The following ADGRG4 variants were observed in gnomAD, a reference collection of about 807,000 sequenced individuals.
The protein encoded by ADGRG4 is adhesion G protein-coupled receptor G4.
ADGRG4 carries 122 observed loss-of-function variants against 126.2 expected under a neutral mutation model. The ratio of observed to expected loss-of-function variants is 0.97; its 90% confidence interval spans 0.83 to 1.12. The LOEUF (loss-of-function observed/expected upper bound fraction) is 1.12, where lower values mean the gene tolerates loss of function less well. Ranked by LOEUF, ADGRG4 falls within the 50% of genes most tolerant of loss-of-function variation. ADGRG4 has a pLI of 0.00. For synonymous variants in ADGRG4, 943 were observed against 838.7 expected, an observed-to-expected ratio of 1.12 and a Z score of -2.15; for missense variants, 2,481 against 2,251.8, an observed-to-expected ratio of 1.10 and a Z score of -2.06.
At chrX:136,410,069 A>T (rs1394013775) in intron 23 of ADGRG4, among the ~76,000 whole-genome samples, 1 of 112,514 alleles carries the variant, frequency 8.9e-6, no homozygotes. Flanking sequence ...ACTAATTGCT[A>T]AATAAACACT....
chrX:136,353,452 G>A, intron 8 of ADGRG4, 51 bp downstream of exon 8: 3 of 875,330 alleles, frequency 3.4e-6, no homozygotes, highest in Non-Finnish European at 3.4e-6. Context: ...AGGGCATTTT[G>A]GGTCTGTTCC....
chrX:136,332,645 G>C (rs1283771570), intron 5 of ADGRG4, among the ~76,000 whole-genome samples: 45 of 109,076 alleles, frequency 4.1e-4, no homozygotes, highest in African/African-American at 1.2e-3. Context: ...GTTCCTATTT[G>C]TCCACATCCT....
rs757150313 is a variant in ADGRG4, at chrX:136,345,193, C to A, written c.1487C>A (p.Thr496Asn). 1.7e-6 allele frequency: 2 copies of A among 1,209,872 alleles called. No homozygotes were observed. Among genetic ancestry groups the A allele is most frequent in the East Asian group, 3.0e-5 (1 of 33,821 alleles). Residue 496 changes from threonine (T) to asparagine (N), a missense_variant, in exon 6 of 26, where the codon ACT becomes AAT. Coordinates refer to ENST00000394143, the MANE Select transcript of ADGRG4 (RefSeq NM_153834.4). Reference protein sequence around the residue: ...RNQTAFPLATTDMKIAFTVHS... With the variant: ...RNQTAFPLATNDMKIAFTVHS... ...CAGACAGCATTTCCATTGGCAACAA[C>A]TGATATGAAAATAGCATTTACAGTC...
chrX:136,397,491 C>CTTTTTTTTTTTT (rs1184936316), intron 19 of ADGRG4, among the ~76,000 whole-genome samples: 39 of 50,557 alleles, frequency 7.7e-4, no homozygotes, highest in Admixed American at 1.0e-3. Context: ...AGGAAAAGGA[C>CTTTTTTTTTTTT]TTTTTTTTTT....
At chrX:136,372,879 T>C (rs1416111564) in intron 14 of ADGRG4, 23 bp from the exon 15 acceptor site, 1 of 1,207,029 alleles carries the variant, frequency 8.3e-7, no homozygotes, top group Middle Eastern at 2.3e-4. Flanking sequence ...AGGATGCTCT[T>C]CTCCATCTGT....
chrX:136,390,507 T>C (rs1031033212), intron 16 of ADGRG4, among the ~76,000 whole-genome samples: 2 of 111,307 alleles, frequency 1.8e-5, no homozygotes, highest in African/African-American at 6.6e-5. Flanking sequence ...CTACCACTCA[T>C]CTGGAAGATC....
intron 1 of ADGRG4, among the ~76,000 whole-genome samples, chrX:136,301,273 G>A (rs1342595161): frequency 5.4e-5 from 6 of 111,701 alleles, no homozygotes; most frequent in African/African-American, 1.6e-4. Flanking sequence ...TTTAATGATC[G>A]CCATTCTAAC....
At chrX:136,319,751 CATCT>C (rs1312702801) in intron 4 of ADGRG4, among the ~76,000 whole-genome samples, 20 of 96,291 alleles carry the variant, frequency 2.1e-4, no homozygotes, top group African/African-American at 3.8e-4. Context: ...ATCTATCTAT[CATCT>C]ATCTATTATC....
At position 136,349,175 on chromosome X, in the gene ADGRG4, G is replaced by A. The variant is rs769387749; in HGVS notation, c.5469G>A (p.Trp1823Ter). 1.1e-5 allele frequency: 13 copies of A among 1,203,462 alleles called. No individual in the cohort carries two copies. The South Asian group carries it at 2.3e-4, about 21-fold the overall frequency. ...ATACCCCTGTTTCATACCCTCCATG[G>A]ACCCCATCCAGTGCAACTCTACCCT... ...SLNTPVSYPP[W>*]TPSSATLPSL... Residue 1823 changes from tryptophan to a stop codon, truncating the protein, a stop_gained, in exon 6 of 26, where the codon TGG (tryptophan) becomes TGA (stop). Transcript: ENST00000394143. LOFTEE classifies it high-confidence loss of function.
At chrX:136,344,307 T>C in intron 5 of ADGRG4, 85 bp from the exon 6 acceptor site, 1 of 585,535 alleles carries the variant, frequency 1.7e-6, no homozygotes, top group Non-Finnish European at 2.6e-6. Flanking sequence ...TCTTACAAAA[T>C]GAAAAGAAAT....
In ADGRG4 at chrX:136,359,376, CAACTTCACACATGGA is replaced by C. The variant is rs1260764933; in HGVS notation, c.7077_7091del (p.His2359_Thr2363del). 1.7e-6 allele frequency: 2 copies of C among 1,201,578 alleles called. No homozygotes were observed. Among genetic ancestry groups the C allele is most frequent in the African/African-American group, 3.5e-5 (2 of 57,069 alleles). ...GAAAAATCAAAAGTAAAATACATGG[CAACTTCACACATGGA>C]AACTTCACACAAGATCAATTGACGT... On this transcript the variant is annotated inframe_deletion, in exon 11 of 26. Transcript: ENST00000394143.
intron 15 of ADGRG4, among the ~76,000 whole-genome samples, chrX:136,374,863 C>T (rs897888433): frequency 1.8e-5 from 2 of 111,552 alleles, no homozygotes; most frequent in Non-Finnish European, 3.8e-5. Context: ...ATCTTTTGCC[C>T]ATTTTTAAAT....
chrX:136,301,794 C>T (rs899717112), intron 1 of ADGRG4, among the ~76,000 whole-genome samples: 33 of 111,789 alleles, frequency 3.0e-4, no homozygotes, highest in Non-Finnish European at 6.0e-4. Context: ...TCAGCTTTCT[C>T]CATATGGCTA....
At chrX:136,329,668 T>G (rs1358125702) in intron 5 of ADGRG4, among the ~76,000 whole-genome samples, 1 of 85,762 alleles carries the variant, frequency 1.2e-5, no homozygotes, top group African/African-American at 4.2e-5. Context: ...GCTTTTGCAT[T>G]TGATTTTTTT....
At position 136,346,321 on chromosome X, in the gene ADGRG4, A is replaced by G. The variant is rs1365419330; in HGVS notation, c.2615A>G (p.Asp872Gly). 5 of 1,209,423 alleles carry G rather than the reference A, an allele frequency of 4.1e-6. No individual in the cohort carries two copies. The African/African-American group carries it at 8.7e-5, about 21-fold the overall frequency. ...TTTTCAACAATGCTGGAAGTGACAGACGAATCAGCACAAAGGGTGACAGCT... is the reference window on the plus strand; with the variant it reads ...TTTTCAACAATGCTGGAAGTGACAGGCGAATCAGCACAAAGGGTGACAGCT... ...SPFSTMLEVT[D>G]ESAQRVTASV... The change falls in exon 6 of 26, where the codon GAC becomes GGC. Residue 872 changes from aspartate (D) to glycine (G), a missense_variant. By Grantham distance (94) the Asp-to-Gly change is moderately conservative. Coordinates refer to ENST00000394143, the MANE Select transcript of ADGRG4 (RefSeq NM_153834.4).
chrX:136,393,611 G>A, intron 18 of ADGRG4, 31 bp downstream of exon 18: 2 of 1,121,842 alleles, frequency 1.8e-6, no homozygotes, highest in Admixed American at 2.2e-5. Context: ...CTTTGACTTT[G>A]CCCCAGACCA....
intron 19 of ADGRG4, 76 bp from the exon 20 acceptor site, chrX:136,397,805 T>C (rs947267666): frequency 9.7e-7 from 1 of 1,027,751 alleles, no homozygotes. Flanking sequence ...GAACTTCCTG[T>C]TAGTGAACAC....
chrX:136,311,031 G>T (rs895634057), intron 4 of ADGRG4, among the ~76,000 whole-genome samples: 1 of 110,744 alleles, frequency 9.0e-6, no homozygotes, highest in African/African-American at 3.3e-5. Context: ...TCAATTCTTG[G>T]TGAGGGCCCT....
intron 15 of ADGRG4, among the ~76,000 whole-genome samples, chrX:136,380,604 C>CTCCTCTTCTTCTTCTTCTTCTTCT (rs2075255832): frequency 2.2e-4 from 12 of 55,346 alleles, no homozygotes; most frequent in Admixed American, 3.8e-4. Flanking sequence ...CCTCCTCCTC[C>CTCCTCTTCTTCTTCTTCTTCTTCT]TCTTCTTCTT....
Sources: gnomAD v4.1 joint callset for allele counts (sites outside exome capture counted in the v4.1 genomes callset) on GRCh38, gnomAD v4.1.1 for gene constraint, MANE v1.5 for transcripts, NCBI Gene and HGNC (gene_info 2026-07-23, HGNC 2026-07-21) for gene names.